The following WDFY4 variants were observed in gnomAD, a reference collection of about 807,000 sequenced individuals.
The protein encoded by WDFY4 is WDFY family member 4, also known as WD repeat- and FYVE domain-containing protein 4.
WDFY4 carries 169 observed loss-of-function variants against 351.9 expected under a neutral mutation model. The observed-to-expected ratio is 0.48, with a 90% CI of 0.42 to 0.55. WDFY4 has a LOEUF of 0.55. WDFY4 is among the 20% of genes least tolerant of loss of function. WDFY4 has a pLI of 0.00. For missense variants in WDFY4, 3,803 were observed against 3,935.6 expected, an observed-to-expected ratio of 0.97 and a Z score of 0.90; for synonymous variants, 1,622 against 1,574.6, an observed-to-expected ratio of 1.03 and a Z score of -0.71.
chr10:48,964,104 G>A (rs2131808375), intron 54 of WDFY4, 50 bp downstream of exon 54: 1 of 1,530,738 alleles, frequency 6.5e-7, no homozygotes, highest in Non-Finnish European at 8.8e-7. Context: ...AGTGTGTGCA[G>A]TGTGAGGACA....
At chr10:48,800,703 T>TTTC (rs1555016122) in intron 24 of WDFY4, among the ~76,000 whole-genome samples, 1 of 139,694 alleles carries the variant, frequency 7.2e-6, no homozygotes, top group Non-Finnish European at 1.5e-5. Context: ...TCTTTCTTTC[T>TTTC]TTCTTTCTTT....
intron 47 of WDFY4, among the ~76,000 whole-genome samples, chr10:48,934,042 T>C (rs1840199132): frequency 6.6e-6 from 1 of 152,244 alleles, no homozygotes; most frequent in African/African-American, 2.4e-5. Context: ...CATCTCTCCC[T>C]GGAGGCTGAG....
chr10:48,766,279 T>C (rs2065667721), intron 13 of WDFY4, among the ~76,000 whole-genome samples: 1 of 152,210 alleles, frequency 6.6e-6, no homozygotes, highest in African/African-American at 2.4e-5. Flanking sequence ...AGGTGACTTC[T>C]CATGGTAGTC....
At chr10:48,717,648 T>C (rs1025855563) in intron 2 of WDFY4, among the ~76,000 whole-genome samples, 5 of 152,246 alleles carry the variant, frequency 3.3e-5, no homozygotes, top group African/African-American at 1.2e-4. Context: ...CAGGTTTTTA[T>C]AGACTCATAC....
chr10:48,710,892 C>A (rs1336088939), intron 2 of WDFY4, among the ~76,000 whole-genome samples: 3 of 152,194 alleles, frequency 2.0e-5, no homozygotes, highest in African/African-American at 7.2e-5. Flanking sequence ...AATACTCCTG[C>A]CAGTGAGGTC....
Position 48,735,917 on chromosome 10 carries a change from G to C in WDFY4, c.1725G>C (p.Lys575Asn), listed in dbSNP as rs762744939. ...ACCACGGCATGGTGCCCTTCATCAA[G>C]ATCTTCCTGGATGACGAGTGCTACC... ...LKDHGMVPFIKIFLDDECYRE... is the reference protein window; with the variant it reads ...LKDHGMVPFINIFLDDECYRE... The change falls in exon 11 of 62, where the codon AAG (lysine) becomes AAC (asparagine). Residue 575 changes from lysine (K) to asparagine (N), a missense_variant. Coordinates refer to ENST00000325239, the MANE Select transcript of WDFY4 (RefSeq NM_001394531.1). 6.4e-7 allele frequency: 1 copy of C among 1,551,692 alleles called. No individual in the cohort carries two copies. The highest frequency in any genetic ancestry group is 1.2e-5 in the South Asian group (1 of 84,064).
intron 24 of WDFY4, among the ~76,000 whole-genome samples, chr10:48,799,618 C>T (rs1264745201): frequency 1.3e-5 from 2 of 152,020 alleles, no homozygotes; most frequent in African/African-American, 4.8e-5. Context: ...ACTAAAAATA[C>T]AAAAATTAGG....
chr10:48,919,716 C>T (rs1400562694), intron 47 of WDFY4, among the ~76,000 whole-genome samples: 1 of 152,172 alleles, frequency 6.6e-6, no homozygotes, highest in Non-Finnish European at 1.5e-5. Flanking sequence ...TTTATGAAGT[C>T]TCCACCCTCA....
chr10:48,830,375 A>G (rs530605963), intron 37 of WDFY4, among the ~76,000 whole-genome samples: 18 of 152,292 alleles, frequency 1.2e-4, no homozygotes, highest in Middle Eastern at 3.4e-3. Flanking sequence ...CTGGTATCCA[A>G]CAGAATTATG....
Position 48,721,250 on chromosome 10 carries a change from C to T in WDFY4, c.350-11C>T. 6.4e-7 allele frequency: 1 copy of T among 1,551,552 alleles called. No homozygotes were observed. The highest frequency in any genetic ancestry group is 8.7e-7 in the Non-Finnish European group (1 of 1,146,892). On this transcript the variant is annotated splice_polypyrimidine_tract_variant and intron_variant, in intron 3 of 61. Coordinates refer to ENST00000325239, the MANE Select transcript of WDFY4 (RefSeq NM_001394531.1). ...GTCGCTGTATGCCCTGCTGGTGACACTTTCTTCCAGAGCAAGCTCGGTTGG... is the reference window on the plus strand; with the variant it reads ...GTCGCTGTATGCCCTGCTGGTGACATTTTCTTCCAGAGCAAGCTCGGTTGG...
intron 30 of WDFY4, among the ~76,000 whole-genome samples, chr10:48,813,094 C>A (rs1327292828): frequency 6.6e-6 from 1 of 152,166 alleles, no homozygotes; most frequent in Non-Finnish European, 1.5e-5. Context: ...GAAGAACGGA[C>A]CCACCTTTCA....
chr10:48,934,878 G>A (rs1013477826), intron 47 of WDFY4, among the ~76,000 whole-genome samples: 5 of 152,160 alleles, frequency 3.3e-5, no homozygotes, highest in African/African-American at 1.2e-4. Context: ...GATCCCCAAA[G>A]CACCAATGAC....
At chr10:48,917,993 A>G (rs923020830) in intron 47 of WDFY4, among the ~76,000 whole-genome samples, 6 of 152,238 alleles carry the variant, frequency 3.9e-5, no homozygotes, top group African/African-American at 1.4e-4. Context: ...AGGGTTTTAC[A>G]CTGCTTTTGA....
chr10:48,728,010 C>T (rs1039131071), intron 7 of WDFY4, among the ~76,000 whole-genome samples: 1 of 152,164 alleles, frequency 6.6e-6, no homozygotes, highest in African/African-American at 2.4e-5. Flanking sequence ...AAATGAACCA[C>T]CTTCAGGAGC....
intron 20 of WDFY4, among the ~76,000 whole-genome samples, chr10:48,787,912 C>A (rs1252772619): frequency 2.2e-5 from 1 of 45,168 alleles, no homozygotes; most frequent in Non-Finnish European, 4.0e-5. Flanking sequence ...TCTTCTTCTT[C>A]TTCTTCTTCT....
intron 39 of WDFY4, among the ~76,000 whole-genome samples, chr10:48,845,631 C>T (rs2068749223): frequency 3.3e-5 from 5 of 152,152 alleles, no homozygotes; most frequent in Admixed American, 3.3e-4. Context: ...GGGCCAGGTG[C>T]TGTCTTGGCA....
chr10:48,754,180 G>C (rs1209793542), intron 12 of WDFY4, among the ~76,000 whole-genome samples: 2 of 150,110 alleles, frequency 1.3e-5, no homozygotes, highest in South Asian at 4.2e-4. Context: ...TTTTGTTTAG[G>C]ATTTTGCATG....
At position 48,805,340 on chromosome 10, in the gene WDFY4, T is replaced by C; in HGVS notation, c.4565T>C (p.Leu1522Pro). The part of the protein sequence containing the change: ...KLIFLFNEPS[L>P]IPSKISTIIG... ...ATCTTCCTATTCAATGAGCCGAGCC[T>C]CATCCCCTCCAAGATCTCCACCATC... The change falls in exon 26 of 62, where the codon CTC (leucine) becomes CCC (proline). Residue 1522 changes from leucine to proline, a missense_variant. Leu to Pro is a moderately conservative substitution (Grantham distance 98, BLOSUM62 -3). Coordinates refer to ENST00000325239, the MANE Select transcript of WDFY4 (RefSeq NM_001394531.1). 1 of 1,548,982 alleles carries C rather than the reference T, an allele frequency of 6.5e-7. No individual in the cohort carries two copies. The highest frequency in any genetic ancestry group is 1.2e-5 in the South Asian group (1 of 84,042).
chr10:48,817,200 G>A (rs776451725), intron 31 of WDFY4, 45 bp from the exon 32 acceptor site: 34 of 1,540,032 alleles, frequency 2.2e-5, no homozygotes, highest in African/African-American at 1.4e-4. Context: ...GGGAGGCAGC[G>A]CCCATCATGC....
Sources: allele counts gnomAD v4.1 joint callset (sites outside exome capture counted in the v4.1 genomes callset), GRCh38; gene constraint gnomAD v4.1.1; transcripts MANE v1.5; gene names NCBI Gene and HGNC (gene_info 2026-07-23, HGNC 2026-07-21).